CACNA2D2: variants seen among roughly 807,000 people sequenced by gnomAD.
The protein encoded by CACNA2D2 is voltage-dependent calcium channel subunit alpha-2/delta-2.
In CACNA2D2, 48 loss-of-function variants were observed where a neutral mutation model predicts 166.4. That is an observed-to-expected ratio of 0.29 (90% CI 0.23 to 0.37). The LOEUF (loss-of-function observed/expected upper bound fraction) is 0.37. CACNA2D2 is among the 10% of genes least tolerant of loss of function. CACNA2D2 has a pLI of 1.00. For missense variants in CACNA2D2, 1,122 were observed against 1,433.0 expected (o/e 0.78, Z 3.50); for synonymous variants, 561 against 573.7 (o/e 0.98, Z 0.32).
At chr3:50,415,511 GA>G (rs1162529278) in intron 3 of CACNA2D2, among the ~76,000 whole-genome samples, 1 of 152,026 alleles carries the variant, frequency 6.6e-6, no homozygotes, top group Non-Finnish European at 1.5e-5. Context: ...GCTGACAAAT[GA>G]AAAAAAAGTT....
chr3:50,405,451 C>CAGAG (rs1294094857), intron 3 of CACNA2D2, among the ~76,000 whole-genome samples: 1 of 152,150 alleles, frequency 6.6e-6, no homozygotes, highest in African/African-American at 2.4e-5. Flanking sequence ...GCACCATGGA[C>CAGAG]AGAGGTAGGG....
At chr3:50,457,968 C>G (rs1405359424) in intron 2 of CACNA2D2, among the ~76,000 whole-genome samples, 1 of 152,154 alleles carries the variant, frequency 6.6e-6, no homozygotes, top group East Asian at 1.9e-4. Context: ...CCAGCTAAGT[C>G]TTTGGGAGCT....
intron 2 of CACNA2D2, among the ~76,000 whole-genome samples, chr3:50,468,382 TG>T (rs1709916719): frequency 5.3e-5 from 3 of 56,782 alleles, no homozygotes; most frequent in African/African-American, 1.9e-4. Context: ...ATCAGAATAG[TG>T]TGTGTGTGTG....
At chr3:50,430,146 AG>A (rs1708003029) in intron 3 of CACNA2D2, among the ~76,000 whole-genome samples, 1 of 152,190 alleles carries the variant, frequency 6.6e-6, no homozygotes, top group Admixed American at 6.5e-5. Context: ...CCCGGAAAGC[AG>A]GTTTCTAGCC....
At chr3:50,473,904 GGAGCGC>G (rs1710200598) in intron 2 of CACNA2D2, among the ~76,000 whole-genome samples, 1 of 152,214 alleles carries the variant, frequency 6.6e-6, no homozygotes, top group African/African-American at 2.4e-5. Flanking sequence ...GAGAGCCGCT[GGAGCGC>G]TGGCAGCCAT....
At chr3:50,426,224 T>C (rs1707802899) in intron 3 of CACNA2D2, among the ~76,000 whole-genome samples, 1 of 152,222 alleles carries the variant, frequency 6.6e-6, no homozygotes, top group Non-Finnish European at 1.5e-5. Context: ...TTCTCATCTG[T>C]AAAACGGGCA....
chr3:50,433,370 T>G (rs1304456185), intron 3 of CACNA2D2, among the ~76,000 whole-genome samples: 1 of 152,148 alleles, frequency 6.6e-6, no homozygotes, highest in Admixed American at 6.5e-5. Flanking sequence ...TTTGTTTTTT[T>G]TTTAAAGAGA....
At chr3:50,435,174 T>C (rs569258980) in intron 2 of CACNA2D2, among the ~76,000 whole-genome samples, 1 of 151,128 alleles carries the variant, frequency 6.6e-6, no homozygotes, top group Admixed American at 6.6e-5. Context: ...ACATATCCGT[T>C]TGTGTGCACG....
intron 1 of CACNA2D2, among the ~76,000 whole-genome samples, chr3:50,481,757 A>C (rs1272897094): frequency 6.6e-6 from 1 of 152,186 alleles, no homozygotes; most frequent in Non-Finnish European, 1.5e-5. Context: ...GCACTTTGGA[A>C]GCCCCAGGCG....
intron 1 of CACNA2D2, among the ~76,000 whole-genome samples, chr3:50,494,838 C>T (rs1698660292): frequency 6.6e-6 from 1 of 152,100 alleles, no homozygotes; most frequent in Non-Finnish European, 1.5e-5. Flanking sequence ...CTACACCTGG[C>T]TAATTTTTGT....
chr3:50,446,722 C>G (rs541908567), intron 2 of CACNA2D2, among the ~76,000 whole-genome samples: 24 of 152,356 alleles, frequency 1.6e-4, no homozygotes, highest in Non-Finnish European at 2.6e-4. Context: ...TTCAGGATAA[C>G]AAGCCCCTAA....
chr3:50,379,297 C>T lies in CACNA2D2; in HGVS notation c.1153-98G>A. On this transcript the variant is annotated intron_variant, in intron 11 of 37. Coordinates refer to ENST00000424201, the MANE Select transcript of CACNA2D2 (RefSeq NM_006030.4). The surrounding 1 kb of genome is among the most constrained non-coding windows in gnomAD (Gnocchi z 6.5). The stretch of plus-strand genomic sequence containing the variant: ...TGGGCCTGGACCTCTGGCCCTCCTC[C>T]CCCACAGCAGATGGAGCTATCTGTC... 6.9e-7 allele frequency: 1 copy of T among 1,442,598 alleles called. No individual in the cohort carries two copies. The highest frequency in any genetic ancestry group is 9.7e-7 in the Non-Finnish European group (1 of 1,034,686). 89.4% of individuals were successfully genotyped at this position (1,442,598 alleles called of 1,614,324 possible). A position where few individuals can be genotyped will look rare whatever the true frequency, so the allele number is the denominator to read the frequency against.
At chr3:50,384,984 G>T (rs1157028187) in intron 5 of CACNA2D2, among the ~76,000 whole-genome samples, 2 of 152,224 alleles carry the variant, frequency 1.3e-5, no homozygotes, top group Non-Finnish European at 2.9e-5. Context: ...GGTAGCAGTA[G>T]GACTGAAAGG....
intron 4 of CACNA2D2, among the ~76,000 whole-genome samples, chr3:50,393,596 C>T (rs531997103): frequency 1.3e-5 from 2 of 152,342 alleles, no homozygotes; most frequent in South Asian, 2.1e-4. Context: ...GCCTGAGCTC[C>T]TTCTGAGGTG....
intron 2 of CACNA2D2, among the ~76,000 whole-genome samples, chr3:50,471,205 C>T (rs1196388771): frequency 6.6e-6 from 1 of 151,844 alleles, no homozygotes; most frequent in Non-Finnish European, 1.5e-5. Flanking sequence ...GAGATGCTGG[C>T]TTCAAGGCTG....
At chr3:50,406,107 C>T (rs972191587) in intron 3 of CACNA2D2, among the ~76,000 whole-genome samples, 1 of 151,820 alleles carries the variant, frequency 6.6e-6, no homozygotes, top group Non-Finnish European at 1.5e-5. Flanking sequence ...TCTGGGATCA[C>T]AGGTCATTGC....
chr3:50,438,470 T>A (rs1037378861), intron 2 of CACNA2D2, among the ~76,000 whole-genome samples: 16 of 152,160 alleles, frequency 1.1e-4, no homozygotes, highest in African/African-American at 3.9e-4. Context: ...CCGAACCCTC[T>A]GCCCAGCCTC....
chr3:50,396,789 C>T (rs1312941683), intron 3 of CACNA2D2, among the ~76,000 whole-genome samples: 1 of 152,200 alleles, frequency 6.6e-6, no homozygotes, highest in Admixed American at 6.5e-5. Context: ...CTACTACCTT[C>T]CCAGGGATGC....
chr3:50,485,224 A>G (rs1347779689), intron 1 of CACNA2D2, among the ~76,000 whole-genome samples: 1 of 151,556 alleles, frequency 6.6e-6, no homozygotes, highest in African/African-American at 2.4e-5. Flanking sequence ...ACCCACCCCT[A>G]CCCTCACCCC....
Sources: allele counts gnomAD v4.1 joint callset (sites outside exome capture counted in the v4.1 genomes callset), GRCh38; gene constraint gnomAD v4.1.1; non-coding constraint Gnocchi (gnomAD v3.1); transcripts MANE v1.5; gene names NCBI Gene and HGNC (gene_info 2026-07-23, HGNC 2026-07-21).